The following FYN variants were observed in gnomAD, a reference collection of about 807,000 sequenced individuals.
FYN encodes the protein FYN proto-oncogene, Src family tyrosine kinase.
Under a neutral mutation model 70.2 loss-of-function variants are expected in FYN, and 10 were observed. The observed-to-expected ratio is 0.14, with a 90% confidence interval of 0.09 to 0.24. FYN has a LOEUF of 0.24. Ranked by LOEUF, FYN falls within the 10% of genes least tolerant of loss-of-function variation. FYN has a pLI of 1.00. For synonymous variants in FYN, 236 were observed against 248.6 expected (o/e 0.95, Z 0.48); for missense variants, 319 against 673.1 (o/e 0.47, Z 5.82).
chr6:111,715,923 T>C (rs1800623408), intron 4 of FYN, among the ~76,000 whole-genome samples: 1 of 152,230 alleles, frequency 6.6e-6, no homozygotes, highest in African/African-American at 2.4e-5. Context: ...CTTTATGTCA[T>C]CACTACAAGT....
At chr6:111,745,889 T>TATAAG (rs1802188223) in intron 3 of FYN, among the ~76,000 whole-genome samples, 1 of 152,232 alleles carries the variant, frequency 6.6e-6, no homozygotes, top group African/African-American at 2.4e-5. Flanking sequence ...TTCAGTAATG[T>TATAAG]TTCCCCTGTG....
At chr6:111,704,178 G>A in intron 6 of FYN, 76 bp from the exon 7 acceptor site, 1 of 1,175,560 alleles carries the variant, frequency 8.5e-7, no homozygotes, top group Admixed American at 2.0e-5. Flanking sequence ...CTTTTTTTTT[G>A]CCCATGAATT....
intron 2 of FYN, among the ~76,000 whole-genome samples, chr6:111,828,834 T>C (rs940265590): frequency 2.0e-5 from 3 of 152,242 alleles, no homozygotes; most frequent in Non-Finnish European, 2.9e-5. Flanking sequence ...CACAGCAATG[T>C]GAATACACTT....
At chr6:111,756,530 T>C (rs1259860137) in intron 3 of FYN, among the ~76,000 whole-genome samples, 2 of 150,900 alleles carry the variant, frequency 1.3e-5, no homozygotes, top group East Asian at 1.9e-4. Context: ...AAAAGGAAAA[T>C]TATGGACCAC....
chr6:111,755,910 A>G (rs1802711871), intron 3 of FYN, among the ~76,000 whole-genome samples: 1 of 152,188 alleles, frequency 6.6e-6, no homozygotes. Context: ...CTTGTCCTAG[A>G]AAGAAAAAAG....
At chr6:111,703,899 C>A in intron 7 of FYN, 100 bp downstream of exon 7, 1 of 905,776 alleles carries the variant, frequency 1.1e-6, no homozygotes, top group East Asian at 2.5e-5. Context: ...AGGGTATGTG[C>A]CATTTTAAAA....
At chr6:111,849,149 T>C (rs149625533) in intron 1 of FYN, among the ~76,000 whole-genome samples, 43 of 152,348 alleles carry the variant, frequency 2.8e-4, no homozygotes, top group African/African-American at 9.9e-4. Context: ...GCAGTGCTGA[T>C]GTTTCGTTTG....
intron 2 of FYN, among the ~76,000 whole-genome samples, chr6:111,833,113 AAATG>A (rs2114421217): frequency 6.6e-6 from 1 of 152,358 alleles, no homozygotes; most frequent in Admixed American, 6.5e-5. Context: ...TAGAACTTAC[AAATG>A]AAGCCAATAT....
intron 2 of FYN, among the ~76,000 whole-genome samples, chr6:111,800,851 T>C (rs1441586557): frequency 6.6e-6 from 1 of 152,202 alleles, no homozygotes; most frequent in African/African-American, 2.4e-5. Flanking sequence ...CCCCAGAGGA[T>C]AGCAACCCAT....
rs1199979239 is a variant in FYN, at chr6:111,788,257, G to A, written c.-81-7622C>T. Among the ~76,000 whole-genome samples, 3 of 152,332 alleles carry A rather than the reference G, an allele frequency of 2.0e-5. No individual in the cohort carries two copies. In the East Asian group the frequency reaches 5.8e-4, roughly 29 times the overall value. The stretch of plus-strand genomic sequence containing the variant: ...TTGAGGGCAAGAATGCAGGCTAAAT[G>A]TATCTTCGAACCATTGGCACCTTGT... On this transcript the variant is annotated intron_variant, in intron 2 of 13. Transcript: ENST00000354650.
At chr6:111,772,474 C>T (rs1267226827) in intron 3 of FYN, among the ~76,000 whole-genome samples, 6 of 152,172 alleles carry the variant, frequency 3.9e-5, no homozygotes, top group Non-Finnish European at 8.8e-5. Flanking sequence ...ACTCAAGGTG[C>T]ACCTTGACAT....
At chr6:111,788,811 T>C (rs1253136360) in intron 2 of FYN, among the ~76,000 whole-genome samples, 1 of 151,964 alleles carries the variant, frequency 6.6e-6, no homozygotes, top group Non-Finnish European at 1.5e-5. Flanking sequence ...AATACAGGGT[T>C]TCCTAGGAAA....
At chr6:111,765,494 A>C (rs1302165911) in intron 3 of FYN, among the ~76,000 whole-genome samples, 1 of 152,158 alleles carries the variant, frequency 6.6e-6, no homozygotes, top group Admixed American at 6.5e-5. Flanking sequence ...TTGGACTTTC[A>C]GTCTCCAGAC....
intron 2 of FYN, among the ~76,000 whole-genome samples, chr6:111,817,783 T>C (rs376659074): frequency 3.3e-5 from 5 of 152,254 alleles, no homozygotes; most frequent in Admixed American, 6.5e-5. Context: ...AACAAATGGT[T>C]TCTGGTAATT....
intron 1 of FYN, among the ~76,000 whole-genome samples, chr6:111,852,824 C>T (rs1222320498): frequency 2.0e-5 from 3 of 152,202 alleles, no homozygotes; most frequent in Non-Finnish European, 2.9e-5. Flanking sequence ...CTACTTCTAT[C>T]ACAGTCTCTC....
intron 1 of FYN, among the ~76,000 whole-genome samples, chr6:111,849,023 T>C (rs1208363788): frequency 5.3e-5 from 8 of 152,060 alleles, no homozygotes; most frequent in Admixed American, 4.6e-4. Flanking sequence ...TGCGTACAGA[T>C]ATATTATATT....
chr6:111,734,195 ATTG>A (rs1291587062), intron 3 of FYN, among the ~76,000 whole-genome samples: 1 of 152,184 alleles, frequency 6.6e-6, no homozygotes, highest in Non-Finnish European at 1.5e-5. Context: ...TTTTGCACAC[ATTG>A]AGCAGAACCA....
chr6:111,801,807 T>C (rs1438146377), intron 2 of FYN, among the ~76,000 whole-genome samples: 1 of 152,216 alleles, frequency 6.6e-6, no homozygotes, highest in Non-Finnish European at 1.5e-5. Context: ...AAACCATATG[T>C]GAGCATTCTT....
intron 12 of FYN, among the ~76,000 whole-genome samples, chr6:111,682,711 G>T (rs1009611068): frequency 6.6e-6 from 1 of 152,188 alleles, no homozygotes; most frequent in Non-Finnish European, 1.5e-5. Context: ...TTTAGGAAAG[G>T]AGCTTCCGAG....
Sources: gnomAD v4.1 joint callset for allele counts (sites outside exome capture counted in the v4.1 genomes callset) on GRCh38, gnomAD v4.1.1 for gene constraint, MANE v1.5 for transcripts, NCBI Gene and HGNC (gene_info 2026-07-23, HGNC 2026-07-21) for gene names.